Variants in SNTB1 observed in about 807,000 individuals in gnomAD.
The protein encoded by SNTB1 is syntrophin beta 1, also known as beta-1-syntrophin.
In SNTB1, 36 loss-of-function variants were observed where a neutral mutation model predicts 48.9. The observed-to-expected ratio is 0.74, with a 90% CI of 0.56 to 0.97. The LOEUF is 0.97. SNTB1 is among the 50% of genes least tolerant of loss of function. The pLI is 0.00. For missense variants in SNTB1, 786 were observed against 703.4 expected (o/e 1.12, Z -1.33); for synonymous variants, 299 against 294.6 (o/e 1.01, Z -0.15).
chr8:120,629,562 T>C (rs1816944905), intron 3 of SNTB1, among the ~76,000 whole-genome samples: 1 of 152,234 alleles, frequency 6.6e-6, no homozygotes, highest in Non-Finnish European at 1.5e-5. Flanking sequence ...TGTGATACTA[T>C]AAGAAAGGCA....
intron 1 of SNTB1, among the ~76,000 whole-genome samples, chr8:120,792,120 C>G (rs982845276): frequency 6.6e-6 from 1 of 151,010 alleles, no homozygotes; most frequent in Non-Finnish European, 1.5e-5. Context: ...CACACACACA[C>G]CCACACACAC....
intron 4 of SNTB1, among the ~76,000 whole-genome samples, chr8:120,571,906 T>G (rs997687994): frequency 1.3e-5 from 2 of 152,152 alleles, no homozygotes; most frequent in African/African-American, 4.8e-5. Flanking sequence ...TAAATTTTAT[T>G]TTTTAAAGGT....
At position 120,548,898 on chromosome 8, in the gene SNTB1, T is replaced by A. The variant is rs756279078; in HGVS notation, c.1197A>T (p.Ala399=). The A allele has an allele frequency of 6.2e-7, 1 of 1,612,378 alleles. No homozygotes were observed. Among genetic ancestry groups the A allele is most frequent in the Non-Finnish European group, 8.5e-7 (1 of 1,179,220 alleles). The change falls in exon 5 of 7, where the codon GCA becomes GCT. Residue 399 remains alanine, a synonymous_variant. Coordinates refer to ENST00000517992, the MANE Select transcript of SNTB1 (RefSeq NM_021021.4). The part of the protein sequence containing the change: ...SPQAGVDLSF[A]TRTGTRQGIE... ...TCCCTTGCCTGGTACCAGTTCGCGT[T>A]GCAAAGGACAGATCCACACCAGCCT...
At chr8:120,686,594 G>T (rs1818038330) in intron 2 of SNTB1, among the ~76,000 whole-genome samples, 2 of 151,840 alleles carry the variant, frequency 1.3e-5, no homozygotes, top group Non-Finnish European at 2.9e-5. Flanking sequence ...TGAATTTGGG[G>T]GGTGGGGGGA....
chr8:120,550,542 TAAAAA>T (rs11445916), intron 4 of SNTB1, among the ~76,000 whole-genome samples: 3 of 126,672 alleles, frequency 2.4e-5, no homozygotes, highest in Non-Finnish European at 4.9e-5. Flanking sequence ...ACTCTGTCTT[TAAAAA>T]AAAAAAAAAA....
At chr8:120,670,758 G>T (rs1212856990) in intron 2 of SNTB1, among the ~76,000 whole-genome samples, 2 of 152,156 alleles carry the variant, frequency 1.3e-5, no homozygotes, top group South Asian at 4.1e-4. Context: ...AGTGGACATG[G>T]ACTCAGAAGC....
chr8:120,644,856 T>A (rs1185609127), intron 2 of SNTB1, among the ~76,000 whole-genome samples: 1 of 152,098 alleles, frequency 6.6e-6, no homozygotes, highest in African/African-American at 2.4e-5. Context: ...ATTGCCATTC[T>A]AACTGGTGTG....
At chr8:120,635,227 A>C (rs1022345243) in intron 2 of SNTB1, among the ~76,000 whole-genome samples, 3 of 152,190 alleles carry the variant, frequency 2.0e-5, no homozygotes, top group Admixed American at 2.0e-4. Context: ...TAATAAATCT[A>C]AGGTGAGAGT....
chr8:120,583,551 AC>A (rs1816083958), intron 3 of SNTB1, among the ~76,000 whole-genome samples: 3 of 151,052 alleles, frequency 2.0e-5, no homozygotes, highest in East Asian at 1.9e-4. Context: ...ACACACACAC[AC>A]ACACACACAA....
At chr8:120,794,533 G>A (rs960163825) in intron 1 of SNTB1, among the ~76,000 whole-genome samples, 2 of 151,894 alleles carry the variant, frequency 1.3e-5, no homozygotes, top group Admixed American at 6.6e-5. Flanking sequence ...GTACTATGAG[G>A]TGCAAGGTAA....
chr8:120,785,493 G>T (rs1308132341), intron 1 of SNTB1, among the ~76,000 whole-genome samples: 1 of 152,210 alleles, frequency 6.6e-6, no homozygotes, highest in African/African-American at 2.4e-5. Context: ...ATCATTTTGT[G>T]CAGTGGAGGC....
intron 2 of SNTB1, among the ~76,000 whole-genome samples, chr8:120,638,610 A>G (rs1285873529): frequency 6.6e-6 from 1 of 151,678 alleles, no homozygotes; most frequent in African/African-American, 2.4e-5. Flanking sequence ...CCTGTGTCCA[A>G]GTGTTCTTAT....
chr8:120,711,037 G>C (rs550555440), intron 1 of SNTB1, among the ~76,000 whole-genome samples: 1 of 152,220 alleles, frequency 6.6e-6, no homozygotes, highest in East Asian at 1.9e-4. Context: ...TTTTTGGCTT[G>C]TGCAAAAACC....
At chr8:120,635,052 T>C (rs986768930) in intron 2 of SNTB1, among the ~76,000 whole-genome samples, 2 of 152,004 alleles carry the variant, frequency 1.3e-5, no homozygotes, top group African/African-American at 4.8e-5. Flanking sequence ...ACGGGGTTTC[T>C]CCGTGTTAGC....
At chr8:120,685,989 AC>A (rs1818024671) in intron 2 of SNTB1, among the ~76,000 whole-genome samples, 1 of 152,234 alleles carries the variant, frequency 6.6e-6, no homozygotes, top group African/African-American at 2.4e-5. Context: ...ATTGTCCAAT[AC>A]CATGTTCCAC....
intron 1 of SNTB1, among the ~76,000 whole-genome samples, chr8:120,784,111 A>G (rs1000664370): frequency 1.1e-4 from 17 of 152,114 alleles, no homozygotes; most frequent in African/African-American, 4.1e-4. Context: ...CTCCTGCCTC[A>G]GCTTCCCAAG....
intron 1 of SNTB1, among the ~76,000 whole-genome samples, chr8:120,713,715 G>C (rs531582570): frequency 6.6e-6 from 1 of 152,328 alleles, no homozygotes; most frequent in African/African-American, 2.4e-5. Flanking sequence ...GGGCAACAGA[G>C]AGAGACTCCA....
chr8:120,705,189 A>C (rs1340844378), intron 1 of SNTB1, among the ~76,000 whole-genome samples: 2 of 152,230 alleles, frequency 1.3e-5, no homozygotes, highest in African/African-American at 2.4e-5. Flanking sequence ...TAAACTTTGG[A>C]GTCTGACCCT....
chr8:120,572,002 C>G (rs992692669), intron 4 of SNTB1, among the ~76,000 whole-genome samples: 20 of 152,112 alleles, frequency 1.3e-4, no homozygotes, highest in African/African-American at 4.8e-4. Flanking sequence ...CCCACCTCCC[C>G]GGCCCCACCC....
Sources: allele counts gnomAD v4.1 joint callset (sites outside exome capture counted in the v4.1 genomes callset), GRCh38; gene constraint gnomAD v4.1.1; transcripts MANE v1.5; gene names NCBI Gene and HGNC (gene_info 2026-07-23, HGNC 2026-07-21).